Variants in PHF2 observed in about 807,000 individuals in gnomAD.
PHF2 encodes PHD finger protein 2.
PHF2 carries 27 observed loss-of-function variants against 120.5 expected under a neutral mutation model. The observed-to-expected ratio is 0.22, with a 90% CI of 0.17 to 0.31. The LOEUF (loss-of-function observed/expected upper bound fraction) is 0.31. PHF2 is among the 10% of genes least tolerant of loss of function. PHF2 has a pLI of 1.00. For missense variants in PHF2, 1,024 were observed against 1,434.8 expected, an observed-to-expected ratio of 0.71 and a Z score of 4.63; for synonymous variants, 568 against 592.5, an observed-to-expected ratio of 0.96 and a Z score of 0.60.
intron 11 of PHF2, 66 bp from the exon 12 acceptor site, chr9:93,660,126 G>A (rs1826534073): frequency 2.7e-6 from 4 of 1,458,602 alleles, no homozygotes; most frequent in Non-Finnish European, 3.6e-6. Flanking sequence ...GCATCCTGGT[G>A]TGTGGACCGT....
At chr9:93,595,889 A>G (rs948910031) in intron 1 of PHF2, among the ~76,000 whole-genome samples, 1 of 152,214 alleles carries the variant, frequency 6.6e-6, no homozygotes, top group Non-Finnish European at 1.5e-5. Context: ...GGTTGTGTTA[A>G]TGTTAGTTTT....
intron 14 of PHF2, 138 bp from the exon 15 acceptor site, chr9:93,665,548 A>G (rs1826659502): frequency 2.2e-6 from 2 of 894,682 alleles, no homozygotes; most frequent in Non-Finnish European, 3.3e-6. Flanking sequence ...TCGGATGGAA[A>G]TTCAAATAGT....
At chr9:93,618,032 T>A (rs1432678724) in intron 1 of PHF2, among the ~76,000 whole-genome samples, 1 of 152,264 alleles carries the variant, frequency 6.6e-6, no homozygotes, top group Non-Finnish European at 1.5e-5. Flanking sequence ...AGTCAGTCAC[T>A]GCAGTGTCTC....
intron 1 of PHF2, among the ~76,000 whole-genome samples, chr9:93,602,040 C>T (rs1825448303): frequency 6.6e-6 from 1 of 152,034 alleles, no homozygotes; most frequent in African/African-American, 2.4e-5. Context: ...CTTCTTCTTC[C>T]ATCCCAGTGG....
At chr9:93,670,343 G>C (rs1423610515) in intron 17 of PHF2, among the ~76,000 whole-genome samples, 3 of 152,252 alleles carry the variant, frequency 2.0e-5, no homozygotes, top group Non-Finnish European at 4.4e-5. Flanking sequence ...GTGAGGACTA[G>C]AAAGGGACGT....
intron 1 of PHF2, among the ~76,000 whole-genome samples, chr9:93,626,027 G>C (rs886340426): frequency 6.6e-6 from 1 of 152,052 alleles, no homozygotes; most frequent in Admixed American, 6.5e-5. Context: ...TGGATCATCT[G>C]AGGTAAGGAG....
intron 10 of PHF2, 42 bp downstream of exon 10, chr9:93,658,278 G>A (rs1001202277): frequency 3.3e-6 from 5 of 1,499,996 alleles, no homozygotes; most frequent in Non-Finnish European, 4.6e-6. Flanking sequence ...GGAGAGCAGT[G>A]ACAGGCGGGA....
chr9:93,618,310 T>C (rs1292802262), intron 1 of PHF2, among the ~76,000 whole-genome samples: 4 of 152,302 alleles, frequency 2.6e-5, no homozygotes, highest in African/African-American at 7.2e-5. Flanking sequence ...GCAAGGTGAG[T>C]GTGGTGGACT....
intron 1 of PHF2, among the ~76,000 whole-genome samples, chr9:93,604,496 G>A (rs1205772289): frequency 6.7e-6 from 1 of 148,982 alleles, no homozygotes; most frequent in South Asian, 2.1e-4. Flanking sequence ...ACAGAGTCTC[G>A]CTCTGTCGCC....
Position 93,660,506 on chromosome 9 carries a change from C to G in PHF2, c.1644C>G (p.Leu548=). ...CCACCATCCCCAACCTGGACCTGCTCGAAGCCCACACCAAGGAGGCACTGA... is the reference window on the plus strand; with the variant it reads ...CCACCATCCCCAACCTGGACCTGCTGGAAGCCCACACCAAGGAGGCACTGA... The part of the protein sequence containing the change: ...ASPTIPNLDL[L]EAHTKEALTK... Residue 548 remains leucine (L), a synonymous_variant, in exon 12 of 22, where the codon CTC becomes CTG. Coordinates refer to ENST00000359246, the MANE Select transcript of PHF2 (RefSeq NM_005392.4). 2 of 1,602,188 alleles carry G rather than the reference C, an allele frequency of 1.2e-6. No individual in the cohort carries two copies. The highest frequency in any genetic ancestry group is 1.7e-6 in the Non-Finnish European group (2 of 1,175,682).
chr9:93,634,439 A>T (rs1826057507), intron 2 of PHF2, among the ~76,000 whole-genome samples: 2 of 152,174 alleles, frequency 1.3e-5, no homozygotes, highest in Admixed American at 6.5e-5. Flanking sequence ...GCTCTTAAGA[A>T]GCAGGGGCTC....
At chr9:93,645,811 G>A in intron 4 of PHF2, 22 bp downstream of exon 4, 1 of 1,550,342 alleles carries the variant, frequency 6.5e-7, no homozygotes, top group Non-Finnish European at 8.7e-7. Context: ...CCCCTTCACA[G>A]TGCTCTGGGG....
intron 17 of PHF2, among the ~76,000 whole-genome samples, chr9:93,669,994 T>C (rs944058960): frequency 1.5e-4 from 23 of 152,164 alleles, no homozygotes; most frequent in African/African-American, 5.3e-4. Flanking sequence ...TGGCAAGGGG[T>C]TCTGGGTATA....
At chr9:93,611,477 T>C (rs959408958) in intron 1 of PHF2, among the ~76,000 whole-genome samples, 9 of 152,186 alleles carry the variant, frequency 5.9e-5, no homozygotes, top group African/African-American at 2.2e-4. Context: ...AAAATAGCTC[T>C]GATTTGAATC....
chr9:93,577,529 C>A (rs1289850877), intron 1 of PHF2, among the ~76,000 whole-genome samples: 1 of 152,136 alleles, frequency 6.6e-6, no homozygotes, highest in Non-Finnish European at 1.5e-5. Context: ...ACCCGGCAGG[C>A]CTGCAGGTCC....
intron 17 of PHF2, among the ~76,000 whole-genome samples, chr9:93,668,175 G>A (rs1311931940): frequency 6.6e-6 from 1 of 152,238 alleles, no homozygotes; most frequent in Non-Finnish European, 1.5e-5. Context: ...AAAGCCAGCT[G>A]TAAGGTGCTT....
At chr9:93,662,690 G>A (rs919507529) in intron 12 of PHF2, among the ~76,000 whole-genome samples, 9 of 151,632 alleles carry the variant, frequency 5.9e-5, no homozygotes, top group Non-Finnish European at 1.2e-4. Context: ...ATGAATGAAC[G>A]GATGGATGGA....
chr9:93,598,438 G>A (rs1439225595), intron 1 of PHF2, among the ~76,000 whole-genome samples: 1 of 152,110 alleles, frequency 6.6e-6, no homozygotes, highest in African/African-American at 2.4e-5. Flanking sequence ...ATGGGGCCCC[G>A]GGGGGCTGGA....
intron 1 of PHF2, among the ~76,000 whole-genome samples, chr9:93,618,384 C>T (rs964880342): frequency 1.1e-4 from 16 of 152,256 alleles, no homozygotes; most frequent in Middle Eastern, 3.2e-3. Flanking sequence ...GACATGGACA[C>T]GCATACGCAT....
Sources: allele counts gnomAD v4.1 joint callset (sites outside exome capture counted in the v4.1 genomes callset), GRCh38; gene constraint gnomAD v4.1.1; transcripts MANE v1.5; gene names NCBI Gene and HGNC (gene_info 2026-07-23, HGNC 2026-07-21).